Variants in ERC1 observed in about 807,000 individuals in gnomAD.
The protein encoded by ERC1 is ELKS/RAB6-interacting/CAST family member 1.
ERC1 carries 56 observed loss-of-function variants against 132.0 expected under a neutral mutation model. The observed-to-expected ratio is 0.42, with a 90% CI of 0.34 to 0.53. The LOEUF (loss-of-function observed/expected upper bound fraction) is 0.53. Among genes scored for constraint, ERC1 ranks in the 20% least tolerant of loss-of-function variants. The pLI is 0.03. For synonymous variants in ERC1, 478 were observed against 476.1 expected (o/e 1.00, Z -0.05); for missense variants, 1,202 against 1,349.9 (o/e 0.89, Z 1.72).
At chr12:1,026,430 A>G (rs1966897966) in intron 1 of ERC1, among the ~76,000 whole-genome samples, 1 of 152,190 alleles carries the variant, frequency 6.6e-6, no homozygotes, top group South Asian at 2.1e-4. Flanking sequence ...CATATATTAA[A>G]TTCCCATATA....
intron 16 of ERC1, among the ~76,000 whole-genome samples, chr12:1,393,616 G>A (rs1168732481): frequency 2.2e-5 from 1 of 46,296 alleles, no homozygotes; most frequent in African/African-American, 2.3e-4. Flanking sequence ...ACGTGTGTGT[G>A]TGTGTGTGTG....
intron 8 of ERC1, among the ~76,000 whole-genome samples, chr12:1,173,510 T>A (rs1446939102): frequency 1.3e-5 from 2 of 152,236 alleles, no homozygotes; most frequent in Non-Finnish European, 2.9e-5. Context: ...AACAATCATT[T>A]TTATCTTTAT....
At chr12:1,051,740 C>G (rs543206812) in intron 2 of ERC1, among the ~76,000 whole-genome samples, 1 of 152,144 alleles carries the variant, frequency 6.6e-6, no homozygotes, top group South Asian at 2.1e-4. Flanking sequence ...ATGAAAAACA[C>G]CACAGTGACC....
chr12:1,408,206 TC>T lies in ERC1; in HGVS notation c.2986del (p.His996IlefsTer19), dbSNP rs1342219049. On this transcript the variant is annotated frameshift_variant, in exon 17 of 19. Transcript: ENST00000360905. LOFTEE classifies it high-confidence loss of function. ...DNYEDDHFKSSHSNQTNHKPS... is the reference protein window; with the variant it reads ...DNYEDDHFKSXHSNQTNHKPS... The stretch of plus-strand genomic sequence containing the variant: ...CTACGAGGATGACCACTTCAAATCC[TC>T]CCATTCCAATCAAACAAATCACAAG... The T allele has an allele frequency of 1.2e-6, 2 of 1,614,000 alleles. No homozygotes were observed.
intron 14 of ERC1, among the ~76,000 whole-genome samples, chr12:1,287,894 A>T (rs1449167326): frequency 6.6e-6 from 1 of 152,174 alleles, no homozygotes; most frequent in Non-Finnish European, 1.5e-5. Flanking sequence ...TACAGACAAT[A>T]CCAAGCATTT....
chr12:1,272,029 G>A (rs1462548846), intron 14 of ERC1, among the ~76,000 whole-genome samples: 4 of 152,192 alleles, frequency 2.6e-5, no homozygotes, highest in Admixed American at 2.6e-4. Context: ...TAGGGAAGCT[G>A]TATTCCATAA....
intron 15 of ERC1, among the ~76,000 whole-genome samples, chr12:1,325,825 C>T (rs185449552): frequency 4.6e-5 from 7 of 152,136 alleles, no homozygotes; most frequent in Admixed American, 6.5e-5. Context: ...AAGATATGCA[C>T]CCGTTTGTCT....
intron 13 of ERC1, among the ~76,000 whole-genome samples, chr12:1,240,545 T>A (rs556552904): frequency 1.3e-5 from 2 of 152,316 alleles, no homozygotes; most frequent in African/African-American, 4.8e-5. Context: ...CCTGTGACTC[T>A]GGGTTCATTT....
chr12:1,451,502 G>A (rs571559333), intron 18 of ERC1, among the ~76,000 whole-genome samples: 15 of 152,238 alleles, frequency 9.9e-5, no homozygotes, highest in African/African-American at 2.4e-4. Context: ...GTGTGTGCCT[G>A]CAGTCCCACC....
At chr12:1,138,138 A>G (rs1267018011) in intron 7 of ERC1, among the ~76,000 whole-genome samples, 2 of 115,240 alleles carry the variant, frequency 1.7e-5, no homozygotes, top group African/African-American at 7.3e-5. Context: ...TATATATAAT[A>G]TAATTATATT....
chr12:1,326,050 A>G (rs900536832), intron 15 of ERC1, among the ~76,000 whole-genome samples: 2 of 152,184 alleles, frequency 1.3e-5, no homozygotes. Flanking sequence ...TCCTTTGGAG[A>G]AAATGAGCCT....
intron 16 of ERC1, among the ~76,000 whole-genome samples, chr12:1,401,051 T>C (rs773971891): frequency 8.2e-5 from 12 of 146,728 alleles, no homozygotes; most frequent in Admixed American, 1.4e-4. Flanking sequence ...TTCTCCTGCC[T>C]CAGCCTCCCG....
intron 15 of ERC1, among the ~76,000 whole-genome samples, chr12:1,325,609 T>C (rs978885356): frequency 2.0e-5 from 3 of 152,166 alleles, no homozygotes; most frequent in African/African-American, 7.2e-5. Context: ...ATTTTATATA[T>C]ATTTTAACTT....
intron 8 of ERC1, among the ~76,000 whole-genome samples, chr12:1,179,760 G>A (rs1396158075): frequency 6.6e-6 from 1 of 152,122 alleles, no homozygotes; most frequent in Non-Finnish European, 1.5e-5. Context: ...GCCCGCCTCG[G>A]CCTCCCAAAG....
chr12:1,000,433 C>CA (rs1961990117), intron 1 of ERC1, among the ~76,000 whole-genome samples: 1 of 150,832 alleles, frequency 6.6e-6, no homozygotes, highest in South Asian at 2.1e-4. Context: ...TTGCAGTGAA[C>CA]TGGGATTACA....
chr12:1,314,913 A>G (rs957053987), intron 15 of ERC1, among the ~76,000 whole-genome samples: 3 of 152,148 alleles, frequency 2.0e-5, no homozygotes, highest in African/African-American at 7.2e-5. Context: ...TCTTCTCCCA[A>G]CTTTCAGAAG....
chr12:1,289,130 C>T (rs1392915002), intron 14 of ERC1, among the ~76,000 whole-genome samples: 11 of 131,028 alleles, frequency 8.4e-5, no homozygotes, highest in South Asian at 7.1e-4. Context: ...CACACACACA[C>T]ATAACTATAT....
At chr12:1,342,723 TTA>T (rs2084042379) in intron 15 of ERC1, among the ~76,000 whole-genome samples, 1 of 152,146 alleles carries the variant, frequency 6.6e-6, no homozygotes, top group Admixed American at 6.5e-5. Flanking sequence ...GTATGAAATA[TTA>T]ATATTAATGT....
intron 18 of ERC1, among the ~76,000 whole-genome samples, chr12:1,474,135 T>C (rs1464429526): frequency 6.6e-6 from 1 of 152,222 alleles, no homozygotes; most frequent in Non-Finnish European, 1.5e-5. Context: ...CGAGCACCAT[T>C]TCCACTTGAT....
Sources: allele counts gnomAD v4.1 joint callset (sites outside exome capture counted in the v4.1 genomes callset), GRCh38; gene constraint gnomAD v4.1.1; transcripts MANE v1.5; gene names NCBI Gene and HGNC (gene_info 2026-07-23, HGNC 2026-07-21).